The following FARS2 variants were observed in gnomAD, a reference collection of about 807,000 sequenced individuals.
The protein encoded by FARS2 is phenylalanine--tRNA ligase, mitochondrial.
FARS2 carries 40 observed loss-of-function variants against 46.4 expected under a neutral mutation model. That is an observed-to-expected ratio of 0.86 (90% confidence interval 0.67 to 1.12). FARS2 has a LOEUF of 1.12. Among genes scored for constraint, FARS2 ranks in the 50% most tolerant of loss-of-function variants. The probability of loss-of-function intolerance (pLI) is 0.00; values close to 1 mark genes in which losing one functional copy is unlikely to be tolerated. For missense variants in FARS2, 513 were observed against 567.9 expected (o/e 0.90, Z 0.98); for synonymous variants, 234 against 214.9 (o/e 1.09, Z -0.78).
intron 2 of FARS2, among the ~76,000 whole-genome samples, chr6:5,375,275 G>C (rs904078473): frequency 1.3e-5 from 2 of 151,906 alleles, no homozygotes; most frequent in African/African-American, 4.8e-5. Flanking sequence ...CCATAAGTAA[G>C]AACCAATTAC....
At chr6:5,423,932 C>T (rs1762704377) in intron 3 of FARS2, among the ~76,000 whole-genome samples, 1 of 152,186 alleles carries the variant, frequency 6.6e-6, no homozygotes, top group African/African-American at 2.4e-5. Context: ...TGTATTCCCA[C>T]ATGGATGCTT....
At chr6:5,390,574 G>A (rs1184596600) in intron 2 of FARS2, among the ~76,000 whole-genome samples, 1 of 152,200 alleles carries the variant, frequency 6.6e-6, no homozygotes, top group Non-Finnish European at 1.5e-5. Context: ...AGGCTTTCTT[G>A]TGAACAGCTC....
At chr6:5,620,399 C>A (rs1476520709) in intron 6 of FARS2, among the ~76,000 whole-genome samples, 3 of 152,094 alleles carry the variant, frequency 2.0e-5, no homozygotes, top group Non-Finnish European at 4.4e-5. Context: ...AGGGATAGAA[C>A]ACATCACAGG....
chr6:5,544,244 A>T (rs1770819811), intron 4 of FARS2, among the ~76,000 whole-genome samples: 1 of 152,142 alleles, frequency 6.6e-6, no homozygotes, highest in African/African-American at 2.4e-5. Context: ...GCCAAGATGG[A>T]GTCCTAGATA....
chr6:5,420,797 A>G (rs963903696), intron 3 of FARS2, among the ~76,000 whole-genome samples: 7 of 152,020 alleles, frequency 4.6e-5, no homozygotes, highest in Non-Finnish European at 8.8e-5. Flanking sequence ...TGGCACCGTC[A>G]TGGAGCTTAT....
At chr6:5,679,773 G>A (rs6918675) in intron 6 of FARS2, among the ~76,000 whole-genome samples, 61,300 of 150,962 alleles carry the variant, frequency 0.41, 12,993 homozygotes, top group East Asian at 0.68. Context: ...TCCTTTCCTG[G>A]TTTTTCCTGA....
chr6:5,640,054 A>T (rs932419875), intron 6 of FARS2, among the ~76,000 whole-genome samples: 1 of 152,078 alleles, frequency 6.6e-6, no homozygotes, highest in Non-Finnish European at 1.5e-5. Flanking sequence ...TAAAAGTTGT[A>T]TTCCCAAGAT....
chr6:5,381,392 CACACACACACACAT>C (rs1387104186), intron 2 of FARS2, among the ~76,000 whole-genome samples: 130 of 129,018 alleles, frequency 1.0e-3, no homozygotes, highest in Non-Finnish European at 1.1e-3. Flanking sequence ...CACACACACA[CACACACACACACAT>C]ACACACACAC....
chr6:5,571,064 T>C (rs934976693), intron 5 of FARS2, among the ~76,000 whole-genome samples: 1 of 152,256 alleles, frequency 6.6e-6, no homozygotes, highest in African/African-American at 2.4e-5. Context: ...ACTCAAACGG[T>C]TATTCATTTA....
chr6:5,594,041 C>T (rs929565922), intron 5 of FARS2, among the ~76,000 whole-genome samples: 1 of 152,188 alleles, frequency 6.6e-6, no homozygotes, highest in African/African-American at 2.4e-5. Context: ...TTCCCAGGTC[C>T]CTCACCTAGT....
chr6:5,701,482 A>T (rs1412155837), intron 6 of FARS2, among the ~76,000 whole-genome samples: 1 of 152,214 alleles, frequency 6.6e-6, no homozygotes, highest in Non-Finnish European at 1.5e-5. Flanking sequence ...GTGCTGGGCT[A>T]TTATTGGGAC....
chr6:5,376,172 C>CAT (rs1190516750), intron 2 of FARS2, among the ~76,000 whole-genome samples: 2 of 152,078 alleles, frequency 1.3e-5, no homozygotes, highest in African/African-American at 4.8e-5. Flanking sequence ...TCTGAAAATG[C>CAT]ATATAGGTGG....
At chr6:5,332,990 TA>T (rs1376925765) in intron 1 of FARS2, among the ~76,000 whole-genome samples, 2 of 152,250 alleles carry the variant, frequency 1.3e-5, no homozygotes, top group African/African-American at 4.8e-5. Context: ...AATGTTATAC[TA>T]ATATTGATTT....
chr6:5,350,632 C>T (rs1213110869), intron 1 of FARS2, among the ~76,000 whole-genome samples: 1 of 152,156 alleles, frequency 6.6e-6, no homozygotes, highest in Non-Finnish European at 1.5e-5. Flanking sequence ...CCTAGGAAAA[C>T]ACTGTACTTT....
At chr6:5,548,890 G>A (rs1771198363) in intron 5 of FARS2, among the ~76,000 whole-genome samples, 1 of 152,136 alleles carries the variant, frequency 6.6e-6, no homozygotes, top group Admixed American at 6.5e-5. Context: ...ATTAGGATTT[G>A]TACATTCATA....
intron 4 of FARS2, among the ~76,000 whole-genome samples, chr6:5,503,401 CACACAGAGAGAGAG>C (rs1404238694): frequency 8.5e-5 from 9 of 106,402 alleles, no homozygotes; most frequent in African/African-American, 1.3e-4. Context: ...CACACACACA[CACACAGAGAGAGAG>C]AGAGAGAGAG....
At chr6:5,593,308 C>A (rs1774024837) in intron 5 of FARS2, among the ~76,000 whole-genome samples, 1 of 152,188 alleles carries the variant, frequency 6.6e-6, no homozygotes, top group Admixed American at 6.5e-5. Context: ...CCCCACCGGC[C>A]TCTGCTGGTG....
chr6:5,626,856 CA>C (rs1202121683), intron 6 of FARS2, among the ~76,000 whole-genome samples: 1 of 152,204 alleles, frequency 6.6e-6, no homozygotes, highest in Non-Finnish European at 1.5e-5. Flanking sequence ...TGTACTTACA[CA>C]AACCTAGAAG....
chr6:5,762,709 C>T (rs1202430340), intron 6 of FARS2, among the ~76,000 whole-genome samples: 1 of 152,266 alleles, frequency 6.6e-6, no homozygotes, highest in African/African-American at 2.4e-5. Context: ...CTCTCTCTGC[C>T]TCTGGCCCTG....
Sources: gnomAD v4.1 joint callset for allele counts (sites outside exome capture counted in the v4.1 genomes callset) on GRCh38, gnomAD v4.1.1 for gene constraint, MANE v1.5 for transcripts, NCBI Gene and HGNC (gene_info 2026-07-23, HGNC 2026-07-21) for gene names.